The following ARHGAP44 variants were observed in gnomAD, a reference collection of about 807,000 sequenced individuals.
The protein encoded by ARHGAP44 is Rho GTPase activating protein 44.
ARHGAP44 carries 43 observed loss-of-function variants against 106.8 expected under a neutral mutation model. The observed-to-expected ratio is 0.40, with a 90% CI of 0.32 to 0.52. The LOEUF is 0.52. Among genes scored for constraint, ARHGAP44 ranks in the 20% least tolerant of loss-of-function variants. The pLI, the probability that ARHGAP44 is intolerant of heterozygous loss-of-function variation, is 0.48. For synonymous variants in ARHGAP44, 439 were observed against 410.3 expected (o/e 1.07, Z -0.85); for missense variants, 866 against 1,050.5 (o/e 0.82, Z 2.43).
chr17:12,990,323 C>A lies in ARHGAP44; in HGVS notation c.*152C>A, dbSNP rs542853126. On this transcript the variant is annotated 3_prime_UTR_variant, in exon 21 of 21. Coordinates refer to ENST00000379672, the MANE Select transcript of ARHGAP44 (RefSeq NM_014859.6). ...TTGGAATTTGGCAGAAAATTGTGAT[C>A]TCCAGTCCGTGTGGTGATGCTGGTG... 3.0e-5 allele frequency: 31 copies of A among 1,031,822 alleles called. No individual in the cohort carries two copies. Among genetic ancestry groups the A allele is most frequent in the Admixed American group, 1.3e-4 (5 of 38,526 alleles). 63.9% of individuals were successfully genotyped at this position (1,031,822 alleles called of 1,614,324 possible).
intron 1 of ARHGAP44, among the ~76,000 whole-genome samples, chr17:12,848,888 A>G (rs902101819): frequency 6.6e-6 from 1 of 152,264 alleles, no homozygotes; most frequent in African/African-American, 2.4e-5. Context: ...CTCTACTAAA[A>G]AAATACAAAA....
At chr17:12,953,395 GC>G (rs528502779) in intron 13 of ARHGAP44, among the ~76,000 whole-genome samples, 3 of 152,158 alleles carry the variant, frequency 2.0e-5, no homozygotes, top group Non-Finnish European at 4.4e-5. Flanking sequence ...CAGATTTTCA[GC>G]ATCAGCACCT....
At chr17:12,852,451 A>C (rs1240663992) in intron 1 of ARHGAP44, among the ~76,000 whole-genome samples, 1 of 149,256 alleles carries the variant, frequency 6.7e-6, no homozygotes, top group East Asian at 2.0e-4. Context: ...AACCTCTATT[A>C]GTTTTCATTA....
At chr17:12,828,221 C>T (rs1268066047) in intron 1 of ARHGAP44, among the ~76,000 whole-genome samples, 1 of 151,456 alleles carries the variant, frequency 6.6e-6, no homozygotes, top group Non-Finnish European at 1.5e-5. Context: ...TTCTTTATAC[C>T]TTATATTTTT....
chr17:12,829,235 C>T (rs1054795816), intron 1 of ARHGAP44, among the ~76,000 whole-genome samples: 5 of 152,002 alleles, frequency 3.3e-5, no homozygotes, highest in East Asian at 3.9e-4. Flanking sequence ...TGAGCTGGTC[C>T]GTCATTCCTA....
At chr17:12,909,294 C>G (rs370872302) in intron 4 of ARHGAP44, among the ~76,000 whole-genome samples, 1 of 151,920 alleles carries the variant, frequency 6.6e-6, no homozygotes, top group African/African-American at 2.4e-5. Flanking sequence ...CAGCCTTTGC[C>G]GATGTTGAGC....
intron 19 of ARHGAP44, among the ~76,000 whole-genome samples, chr17:12,983,264 T>TAAAAA (rs56038306): frequency 5.2e-5 from 5 of 95,812 alleles, no homozygotes; most frequent in African/African-American, 2.1e-4. Flanking sequence ...GACTCCATCT[T>TAAAAA]AAAAAAAAAA....
At chr17:12,857,972 C>T (rs1018136941) in intron 1 of ARHGAP44, among the ~76,000 whole-genome samples, 2 of 152,028 alleles carry the variant, frequency 1.3e-5, no homozygotes, top group African/African-American at 4.8e-5. Flanking sequence ...TGAGGATTGG[C>T]TGCCACTAAT....
At chr17:12,937,845 A>G (rs1014434160) in intron 7 of ARHGAP44, among the ~76,000 whole-genome samples, 3 of 152,188 alleles carry the variant, frequency 2.0e-5, no homozygotes, top group African/African-American at 7.2e-5. Flanking sequence ...TCACACCTGT[A>G]ATCCCAGCAC....
At chr17:12,885,328 T>A (rs1040780816) in intron 1 of ARHGAP44, among the ~76,000 whole-genome samples, 8 of 134,646 alleles carry the variant, frequency 5.9e-5, no homozygotes, top group Non-Finnish European at 1.0e-4. Context: ...AGAGTAGGTG[T>A]GTGTGTGTGT....
Position 12,984,549 on chromosome 17 carries a change from C to A in ARHGAP44, c.1958C>A (p.Pro653Gln). 1.3e-6 allele frequency: 2 copies of A among 1,524,900 alleles called. No individual in the cohort carries two copies. Among genetic ancestry groups the A allele is most frequent in the South Asian group, 1.3e-5 (1 of 77,468 alleles). 94.5% of individuals were successfully genotyped at this position (1,524,900 alleles called of 1,614,324 possible). A position where few individuals can be genotyped will look rare whatever the true frequency, so the allele number is the denominator to read the frequency against. The change falls in exon 20 of 21, where the codon CCG becomes CAG. Residue 653 changes from proline to glutamine, a missense_variant. Pro to Gln is a moderately conservative substitution (Grantham distance 76). Coordinates refer to ENST00000379672, the MANE Select transcript of ARHGAP44 (RefSeq NM_014859.6). ...TLRKVSKKLA[P>Q]IPPKVPFGQP... ...CTTTCAGTTTCAAAGAAGCTGGCACCGATTCCACCCAAGGTCCCCTTTGGC... is the reference window on the plus strand; with the variant it reads ...CTTTCAGTTTCAAAGAAGCTGGCACAGATTCCACCCAAGGTCCCCTTTGGC...
rs1288717566 is a variant in ARHGAP44, at chr17:12,926,067, T to A, written c.465-2862T>A. 4.6e-5 allele frequency among the ~76,000 whole-genome samples: 7 copies of A among 152,100 alleles called. No homozygotes were observed. In the East Asian group the frequency reaches 1.3e-3, roughly 29 times the overall value. ...ATATTTTGGACATCTTGTCACTGTT[T>A]TAAAATATCAAAATAGACCAGGCAC... On this transcript the variant is annotated intron_variant, in intron 6 of 20. Transcript: ENST00000379672.
At chr17:12,960,975 G>A (rs1176903409) in intron 16 of ARHGAP44, among the ~76,000 whole-genome samples, 2 of 152,206 alleles carry the variant, frequency 1.3e-5, no homozygotes, top group African/African-American at 2.4e-5. Context: ...TATTAACGCA[G>A]TTCCTATGTG....
chr17:12,817,220 A>G (rs2034624136), intron 1 of ARHGAP44, among the ~76,000 whole-genome samples: 1 of 152,090 alleles, frequency 6.6e-6, no homozygotes, highest in Admixed American at 6.5e-5. Context: ...ACTGAATGAA[A>G]ATGAAAACAC....
chr17:12,944,989 A>ATG (rs1387129065), intron 10 of ARHGAP44, among the ~76,000 whole-genome samples: 1 of 152,042 alleles, frequency 6.6e-6, no homozygotes, highest in African/African-American at 2.4e-5. Flanking sequence ...TAAGAGCCAC[A>ATG]TGTAAAAAAT....
chr17:12,805,506 T>C, intron 1 of ARHGAP44, among the ~76,000 whole-genome samples: 1 of 152,250 alleles, frequency 6.6e-6, no homozygotes, highest in Non-Finnish European at 1.5e-5. Flanking sequence ...CCAAGATTTT[T>C]CTGTACTAAC....
intron 20 of ARHGAP44, chr17:12,987,356 T>G: frequency 2.1e-6 from 1 of 482,016 alleles, no homozygotes; most frequent in Non-Finnish European, 3.7e-6. Flanking sequence ...TTTTCTTTCT[T>G]TTCATTAGGA....
At chr17:12,989,101 C>CGAAA (rs1598173210) in intron 20 of ARHGAP44, among the ~76,000 whole-genome samples, 9 of 45,158 alleles carry the variant, frequency 2.0e-4, no homozygotes, top group Admixed American at 3.6e-4. Context: ...CCACCCCCCC[C>CGAAA]AAAAAAAAAA....
chr17:12,909,192 A>T (rs964742082), intron 4 of ARHGAP44, among the ~76,000 whole-genome samples: 5 of 152,226 alleles, frequency 3.3e-5, no homozygotes, highest in African/African-American at 1.2e-4. Context: ...CATGAAACTG[A>T]TGAAGGACAA....
Sources: gnomAD v4.1 joint callset for allele counts (sites outside exome capture counted in the v4.1 genomes callset) on GRCh38, gnomAD v4.1.1 for gene constraint, MANE v1.5 for transcripts, NCBI Gene and HGNC (gene_info 2026-07-23, HGNC 2026-07-21) for gene names.